CTNNAL1: variants seen among roughly 807,000 people sequenced by gnomAD.
CTNNAL1 encodes the protein alpha-catulin.
Under a neutral mutation model 93.6 loss-of-function variants are expected in CTNNAL1, and 69 were observed. The observed-to-expected ratio is 0.74, with a 90% CI of 0.61 to 0.90. The LOEUF (loss-of-function observed/expected upper bound fraction) is 0.90, where lower values mean the gene tolerates loss of function less well. Ranked by LOEUF, CTNNAL1 falls within the 40% of genes least tolerant of loss-of-function variation. The pLI is 0.00. For synonymous variants in CTNNAL1, 286 were observed against 305.4 expected, an observed-to-expected ratio of 0.94 and a Z score of 0.66; for missense variants, 836 against 862.0, an observed-to-expected ratio of 0.97 and a Z score of 0.38.
At chr9:108,963,550 T>C (rs1234024352) in intron 11 of CTNNAL1, 1 of 152,300 alleles carries the variant, frequency 6.6e-6, no homozygotes, top group Non-Finnish European at 1.5e-5. Flanking sequence ...CTGGCCAGGA[T>C]TGATGCCATA....
chr9:109,008,152 CTTTTTTTTT>C (rs149753320), intron 1 of CTNNAL1, among the ~76,000 whole-genome samples: 1 of 85,300 alleles, frequency 1.2e-5, no homozygotes, highest in African/African-American at 4.2e-5. Flanking sequence ...ATCCATCTTT[CTTTTTTTTT>C]TTTTTTTTTT....
intron 1 of CTNNAL1, among the ~76,000 whole-genome samples, chr9:109,000,437 G>A (rs940472498): frequency 2.0e-5 from 3 of 152,090 alleles, no homozygotes; most frequent in Non-Finnish European, 4.4e-5. Context: ...AAAAGCCCAC[G>A]TTCCCATGGG....
intron 2 of CTNNAL1, among the ~76,000 whole-genome samples, chr9:108,994,510 G>A (rs567379659): frequency 6.6e-6 from 1 of 152,206 alleles, no homozygotes; most frequent in African/African-American, 2.4e-5. Flanking sequence ...GAAGAGAGAT[G>A]ATAATTTTAC....
intron 4 of CTNNAL1, among the ~76,000 whole-genome samples, chr9:108,986,267 A>G (rs1275746587): frequency 6.7e-6 from 1 of 150,276 alleles, no homozygotes; most frequent in Non-Finnish European, 1.5e-5. Context: ...TATGAGTGAG[A>G]ACATGCAGTG....
chr9:108,992,551 C>G (rs1429489445), intron 3 of CTNNAL1, 81 bp downstream of exon 3: 4 of 1,465,816 alleles, frequency 2.7e-6, no homozygotes, highest in Non-Finnish European at 3.6e-6. Flanking sequence ...ACAAGCCAAG[C>G]AATCCACCAC....
In CTNNAL1 at chr9:108,983,255, G is replaced by A. The variant is rs138462885; in HGVS notation, c.790C>T (p.Arg264Cys). The A allele has an allele frequency of 3.5e-5, 56 of 1,593,590 alleles. No individual in the cohort carries two copies. Among genetic ancestry groups the A allele is most frequent in the African/African-American group, 8.1e-5 (6 of 73,932 alleles). The change falls in exon 6 of 19, where the codon CGT (arginine) becomes TGT (cysteine). Residue 264 changes from arginine to cysteine, a missense_variant. Coordinates refer to ENST00000325551, the MANE Select transcript of CTNNAL1 (RefSeq NM_003798.4). ...ACCTTATCCAATGCCACTTTCATAC[G>A]GTCAAATACTCCTTCTTTGTTTTTA... The part of the protein sequence containing the change: ...AHKNKEGVFD[R>C]MKVALDKVIE...
chr9:108,976,555 C>G (rs958617431), intron 8 of CTNNAL1, among the ~76,000 whole-genome samples: 1 of 151,004 alleles, frequency 6.6e-6, no homozygotes, highest in Non-Finnish European at 1.5e-5. Flanking sequence ...TTTTGAGACA[C>G]AGTCTCACTC....
intron 11 of CTNNAL1, among the ~76,000 whole-genome samples, chr9:108,963,790 A>G (rs16913731): frequency 0.056 from 8,532 of 152,282 alleles, 809 homozygotes; most frequent in African/African-American, 0.2. Context: ...AGTGCAGGGT[A>G]TATTCATGCC....
chr9:109,013,360 G>T lies in CTNNAL1; in HGVS notation c.83C>A (p.Ser28Ter). Reference sequence around the variant, plus strand: ...CGAGCGAGTTTTGATCTCCAGTCCCGAGTCGAGGGCGAAGCCCGAAGAGCC... The same window carrying T: ...CGAGCGAGTTTTGATCTCCAGTCCCTAGTCGAGGGCGAAGCCCGAAGAGCC... ...GSGSSGFALD[S>*]GLEIKTRSVE... Residue 28 changes from serine (S) to a stop codon, truncating the protein, a stop_gained, in exon 1 of 19, where the codon TCG becomes TAG. Coordinates refer to ENST00000325551, the MANE Select transcript of CTNNAL1 (RefSeq NM_003798.4). LOFTEE classifies it high-confidence loss of function. The T allele has an allele frequency of 6.6e-7, 1 of 1,515,028 alleles. No homozygotes were observed. The allele number at this position is 1,515,028 out of a possible 1,614,324, so 93.8% of individuals were successfully genotyped here. A position where few individuals can be genotyped will look rare whatever the true frequency, so the allele number is the denominator to read the frequency against.
At chr9:108,943,879 CACATTTAT>C in intron 16 of CTNNAL1, 63 bp from the exon 17 acceptor site, 2 of 1,598,590 alleles carry the variant, frequency 1.3e-6, no homozygotes, top group Non-Finnish European at 1.7e-6. Context: ...ATACCTTAAA[CACATTTAT>C]ACATTGATAT....
At chr9:108,972,868 G>GGGGGGGCCCCCCCCCCGGC in intron 8 of CTNNAL1, 35 bp from the exon 9 acceptor site, 1 of 1,092,792 alleles carries the variant, frequency 9.2e-7, no homozygotes, top group Admixed American at 2.9e-5. Flanking sequence ...GGGTGGGAGG[G>GGGGGGGCCCCCCCCCCGGC]TGGAGAAGGA....
chr9:108,991,818 T>C, intron 3 of CTNNAL1: 1 of 451,700 alleles, frequency 2.2e-6, no homozygotes, highest in Non-Finnish European at 3.9e-6. Flanking sequence ...CCTGGCCAAC[T>C]GCTCTCCTCT....
chr9:108,974,011 A>G (rs987230715), intron 8 of CTNNAL1, among the ~76,000 whole-genome samples: 1 of 152,230 alleles, frequency 6.6e-6, no homozygotes, highest in Non-Finnish European at 1.5e-5. Context: ...GAGAATATCT[A>G]ATGCCAGTCA....
chr9:108,999,564 T>C (rs1399413976), intron 1 of CTNNAL1, among the ~76,000 whole-genome samples: 4 of 152,216 alleles, frequency 2.6e-5, no homozygotes, highest in Non-Finnish European at 4.4e-5. Flanking sequence ...TAGAAGCGGA[T>C]AGATCATTAC....
chr9:108,969,100 T>C (rs1235255130), intron 10 of CTNNAL1, among the ~76,000 whole-genome samples: 1 of 151,916 alleles, frequency 6.6e-6, no homozygotes, highest in Non-Finnish European at 1.5e-5. Flanking sequence ...TGAAACCCTG[T>C]CTCTACTAAA....
intron 15 of CTNNAL1, among the ~76,000 whole-genome samples, chr9:108,946,572 T>A (rs1225061332): frequency 1.3e-5 from 2 of 152,192 alleles, no homozygotes; most frequent in East Asian, 3.9e-4. Context: ...ACCTCTGTAT[T>A]CTAGTCGTAC....
intron 14 of CTNNAL1, among the ~76,000 whole-genome samples, chr9:108,949,103 T>A (rs1324693545): frequency 6.6e-6 from 1 of 152,180 alleles, no homozygotes; most frequent in African/African-American, 2.4e-5. Context: ...TAAGAAATCA[T>A]ATAAATTATT....
intron 2 of CTNNAL1, among the ~76,000 whole-genome samples, chr9:108,997,878 T>C (rs1348719452): frequency 6.6e-6 from 1 of 152,210 alleles, no homozygotes; most frequent in Admixed American, 6.5e-5. Flanking sequence ...ACCTCCTAAC[T>C]GGTTTCTCTG....
chr9:108,947,546 T>C (rs1830443833), intron 15 of CTNNAL1, among the ~76,000 whole-genome samples: 1 of 152,176 alleles, frequency 6.6e-6, no homozygotes, highest in Non-Finnish European at 1.5e-5. Flanking sequence ...CAGGCTAACA[T>C]GGGGATCAGG....
Sources: gnomAD v4.1 joint callset for allele counts (sites outside exome capture counted in the v4.1 genomes callset) on GRCh38, gnomAD v4.1.1 for gene constraint, MANE v1.5 for transcripts, NCBI Gene and HGNC (gene_info 2026-07-23, HGNC 2026-07-21) for gene names.